The following FGF2 variants were observed in gnomAD, a reference collection of about 807,000 sequenced individuals.
The protein encoded by FGF2 is fibroblast growth factor 2, also known as basic fibroblast growth factor bFGF.
Under a neutral mutation model 15.9 loss-of-function variants are expected in FGF2, and 13 were observed. The observed-to-expected ratio is 0.82, with a 90% CI of 0.53 to 1.30. The LOEUF is 1.30. Among genes scored for constraint, FGF2 ranks in the 50% most tolerant of loss-of-function variants. The probability of loss-of-function intolerance (pLI) is 0.00; values close to 1 mark genes in which losing one functional copy is unlikely to be tolerated. For missense variants in FGF2, 163 were observed against 196.9 expected (o/e 0.83, Z 1.03); for synonymous variants, 90 against 78.4 (o/e 1.15, Z -0.78).
intron 1 of FGF2, among the ~76,000 whole-genome samples, chr4:122,831,540 A>G (rs1725766608): frequency 6.6e-6 from 1 of 152,230 alleles, no homozygotes; most frequent in Non-Finnish European, 1.5e-5. Context: ...AATGAACGTG[A>G]TATTTACTGT....
At chr4:122,841,876 C>A (rs183792679) in intron 1 of FGF2, among the ~76,000 whole-genome samples, 22 of 152,174 alleles carry the variant, frequency 1.4e-4, no homozygotes, top group African/African-American at 4.8e-4. Context: ...GTTAGATATT[C>A]TCTGTTTTAG....
At chr4:122,834,175 C>T (rs780968169) in intron 1 of FGF2, among the ~76,000 whole-genome samples, 5 of 152,188 alleles carry the variant, frequency 3.3e-5, no homozygotes, top group South Asian at 2.1e-4. Context: ...GTTACCACCC[C>T]GAACAGGAGA....
chr4:122,892,195 T>C lies in FGF2; in HGVS notation c.283-16T>C. 1 of 1,581,022 alleles carries C rather than the reference T, an allele frequency of 6.3e-7. No homozygotes were observed. Among genetic ancestry groups the C allele is most frequent in the Non-Finnish European group, 8.7e-7 (1 of 1,149,996 alleles). On this transcript the variant is annotated splice_polypyrimidine_tract_variant and intron_variant, in intron 2 of 2. Transcript: ENST00000644866. ...TAATGATAATAATAACAGGTAATTC[T>C]TCCTTTATTTTTCAGAAATGTGTTA...
intron 1 of FGF2, among the ~76,000 whole-genome samples, chr4:122,835,535 CA>C (rs1192580452): frequency 1.3e-5 from 2 of 152,050 alleles, no homozygotes; most frequent in Non-Finnish European, 2.9e-5. Flanking sequence ...AACTTAACAC[CA>C]TTTTCTCAAA....
chr4:122,892,635 G>A lies in FGF2; in HGVS notation c.*239G>A. 7.0e-7 allele frequency: 1 copy of A among 1,421,648 alleles called. No individual in the cohort carries two copies. Among genetic ancestry groups the A allele is most frequent in the Non-Finnish European group, 9.2e-7 (1 of 1,088,630 alleles). 88.1% of individuals were successfully genotyped at this position (1,421,648 alleles called of 1,614,324 possible). ...GCTGTTACCCAGTGAAGCTTACCTAGAGCAATGATCTTTTTCACGCATTTG... is the reference window on the plus strand; with the variant it reads ...GCTGTTACCCAGTGAAGCTTACCTAAAGCAATGATCTTTTTCACGCATTTG... On this transcript the variant is annotated 3_prime_UTR_variant, in exon 3 of 3. Transcript: ENST00000644866.
chr4:122,841,505 T>C (rs983020146), intron 1 of FGF2, among the ~76,000 whole-genome samples: 2 of 152,252 alleles, frequency 1.3e-5, no homozygotes, highest in Non-Finnish European at 2.9e-5. Flanking sequence ...GGAATTGTTA[T>C]TTCCAGGCTG....
intron 1 of FGF2, among the ~76,000 whole-genome samples, chr4:122,866,538 T>C (rs1184583675): frequency 2.0e-5 from 3 of 152,154 alleles, no homozygotes; most frequent in Non-Finnish European, 4.4e-5. Context: ...AAGTAGACAG[T>C]TCTTCAAAGA....
chr4:122,836,006 A>T (rs796656676), intron 1 of FGF2, among the ~76,000 whole-genome samples: 1 of 152,298 alleles, frequency 6.6e-6, no homozygotes, highest in South Asian at 2.1e-4. Flanking sequence ...ATCCAGCCCA[A>T]CAGACTTCTT....
intron 1 of FGF2, among the ~76,000 whole-genome samples, chr4:122,875,943 C>T (rs1726837180): frequency 6.6e-6 from 1 of 152,180 alleles, no homozygotes; most frequent in South Asian, 2.1e-4. Context: ...CTTTTATGTA[C>T]CCTTAAAATA....
At chr4:122,848,452 T>C (rs1560742063) in intron 1 of FGF2, among the ~76,000 whole-genome samples, 1 of 152,238 alleles carries the variant, frequency 6.6e-6, no homozygotes, top group Non-Finnish European at 1.5e-5. Flanking sequence ...GTGATCGTGA[T>C]GTGGAGATGT....
At position 122,893,315 on chromosome 4, in the gene FGF2, A is replaced by C; in HGVS notation, c.*919A>C. On this transcript the variant is annotated 3_prime_UTR_variant, in exon 3 of 3. Coordinates refer to ENST00000644866, the MANE Select transcript of FGF2 (RefSeq NM_001361665.2). ...ATTTTCAGTTAAAGTAGCATTATGTAAAGGCTCAAAACATTACCCTAACAA... is the reference window on the plus strand; with the variant it reads ...ATTTTCAGTTAAAGTAGCATTATGTCAAGGCTCAAAACATTACCCTAACAA... The C allele has an allele frequency of 7.8e-7, 1 of 1,275,064 alleles. No individual in the cohort carries two copies. Among genetic ancestry groups the C allele is most frequent in the Non-Finnish European group, 1.1e-6 (1 of 938,334 alleles). 79.0% of individuals were successfully genotyped at this position (1,275,064 alleles called of 1,614,324 possible).
intron 2 of FGF2, among the ~76,000 whole-genome samples, chr4:122,889,695 T>C (rs1218763336): frequency 1.3e-5 from 2 of 152,200 alleles, no homozygotes; most frequent in African/African-American, 4.8e-5. Flanking sequence ...CTCCACTGTT[T>C]TTTTTCAAAA....
rs576303782 is a variant in FGF2, at chr4:122,893,777, T to C, written c.*1381T>C. ...AGGATTTTTATTGCCATTAACATATTTTTGTGGCTGCTTTTTCTACACATC... is the reference window on the plus strand; with the variant it reads ...AGGATTTTTATTGCCATTAACATATCTTTGTGGCTGCTTTTTCTACACATC... On this transcript the variant is annotated 3_prime_UTR_variant, in exon 3 of 3. Coordinates refer to ENST00000644866, the MANE Select transcript of FGF2 (RefSeq NM_001361665.2). 1 of 152,368 alleles carries C rather than the reference T, an allele frequency of 6.6e-6. No individual in the cohort carries two copies. Among genetic ancestry groups the C allele is most frequent in the Admixed American group, 6.5e-5 (1 of 15,308 alleles). 9.4% of individuals were successfully genotyped at this position (152,368 alleles called of 1,614,324 possible). A position where few individuals can be genotyped will look rare whatever the true frequency, so the allele number is the denominator to read the frequency against.
At chr4:122,861,142 G>A (rs980570872) in intron 1 of FGF2, among the ~76,000 whole-genome samples, 20 of 151,908 alleles carry the variant, frequency 1.3e-4, no homozygotes, top group Non-Finnish European at 1.2e-4. Flanking sequence ...TTTAATCTGC[G>A]CTGGCTACAC....
At chr4:122,851,050 T>G (rs308436) in intron 1 of FGF2, among the ~76,000 whole-genome samples, 21 of 152,192 alleles carry the variant, frequency 1.4e-4, no homozygotes, top group Non-Finnish European at 2.9e-4. Context: ...CTACTTCCCC[T>G]GCTCCCCCAT....
At chr4:122,882,528 G>C (rs557873444) in intron 2 of FGF2, 1 of 152,178 alleles carries the variant, frequency 6.6e-6, no homozygotes, top group Non-Finnish European at 1.5e-5. Context: ...ACTTGTGAAA[G>C]TTAGTCTTAA....
At chr4:122,873,769 C>T (rs902058074) in intron 1 of FGF2, among the ~76,000 whole-genome samples, 6 of 152,166 alleles carry the variant, frequency 3.9e-5, no homozygotes, top group African/African-American at 1.2e-4. Flanking sequence ...TTGTGACTTC[C>T]TCAACTTCTT....
Position 122,832,102 on chromosome 4 carries a change from CTTG to C in FGF2, c.178+4753_178+4755del, listed in dbSNP as rs72027333. ...AATTACACATGTGCTGTAGTCTTTG[CTTG>C]TTTTTCCAATTCTAGTGTTTGTTGA... On this transcript the variant is annotated intron_variant, in intron 1 of 2. Transcript: ENST00000644866. Among the ~76,000 whole-genome samples, 1,383 of 152,224 alleles carry C rather than the reference CTTG, an allele frequency of 9.1e-3. 24 individuals are homozygous for C. Among genetic ancestry groups the C allele is most frequent in the African/African-American group, 0.032 (1,325 of 41,520 alleles).
chr4:122,862,508 A>G (rs936369945), intron 1 of FGF2, among the ~76,000 whole-genome samples: 6 of 152,198 alleles, frequency 3.9e-5, no homozygotes, highest in African/African-American at 1.4e-4. Flanking sequence ...TTGAGTGCCA[A>G]TGATCTGAAC....
Sources: gnomAD v4.1 joint callset for allele counts (sites outside exome capture counted in the v4.1 genomes callset) on GRCh38, gnomAD v4.1.1 for gene constraint, MANE v1.5 for transcripts, NCBI Gene and HGNC (gene_info 2026-07-23, HGNC 2026-07-21) for gene names.